Variants in SYT13 observed in about 807,000 individuals in gnomAD.
The protein encoded by SYT13 is synaptotagmin-13.
A neutral mutation model predicts 38.6 loss-of-function variants in SYT13; 21 were observed. The observed-to-expected ratio is 0.54, with a 90% CI of 0.39 to 0.78. The LOEUF is 0.78. Among genes scored for constraint, SYT13 ranks in the 30% least tolerant of loss-of-function variants. The pLI, the probability that SYT13 is intolerant of heterozygous loss-of-function variation, is 0.00. For missense variants in SYT13, 495 were observed against 548.7 expected (o/e 0.90, Z 0.98); for synonymous variants, 241 against 237.6 (o/e 1.01, Z -0.13).
chr11:45,254,521 T>C lies in SYT13; in HGVS notation c.410-117A>G. ...ACCCAAACCCAAGTCTTCCCAGCTGTGTGCAGAATCACAGTGGCCACACCA... is the reference window on the plus strand; with the variant it reads ...ACCCAAACCCAAGTCTTCCCAGCTGCGTGCAGAATCACAGTGGCCACACCA... On this transcript the variant is annotated intron_variant, in intron 2 of 5. Transcript: ENST00000020926. 3 of 1,445,176 alleles carry C rather than the reference T, an allele frequency of 2.1e-6. No homozygotes were observed. In the East Asian group the frequency reaches 7.2e-5, roughly 35 times the overall value. The allele number at this position is 1,445,176 out of a possible 1,614,324, so 89.5% of individuals were successfully genotyped here.
At chr11:45,280,932 C>T (rs1051416046) in intron 1 of SYT13, among the ~76,000 whole-genome samples, 25 of 152,234 alleles carry the variant, frequency 1.6e-4, no homozygotes, top group Admixed American at 9.8e-4. Context: ...GGCTGGCTCA[C>T]GCCTGTAATC....
At chr11:45,259,250 G>A (rs1012635162) in intron 1 of SYT13, among the ~76,000 whole-genome samples, 1 of 152,168 alleles carries the variant, frequency 6.6e-6, no homozygotes, top group African/African-American at 2.4e-5. Flanking sequence ...ACTGTCACTT[G>A]GTTGGGACCA....
chr11:45,283,404 A>C (rs1172585199), intron 1 of SYT13, among the ~76,000 whole-genome samples: 2 of 152,180 alleles, frequency 1.3e-5, no homozygotes, highest in Non-Finnish European at 2.9e-5. Flanking sequence ...GAACATCCTC[A>C]GAGAGCTTCC....
intron 1 of SYT13, among the ~76,000 whole-genome samples, chr11:45,261,419 G>A (rs546477856): frequency 4.6e-5 from 7 of 151,818 alleles, no homozygotes; most frequent in South Asian, 2.1e-4. Flanking sequence ...GTGAAACCCC[G>A]TCTCTACTAA....
At position 45,254,387 on chromosome 11, in the gene SYT13, A is replaced by T. The variant is rs1400387072; in HGVS notation, c.427T>A (p.Cys143Ser). The change falls in exon 3 of 6, where the codon TGT (cysteine) becomes AGT (serine). Residue 143 changes from cysteine to serine, a missense_variant. Physicochemically the swap from Cys to Ser is moderately radical, Grantham distance 112. Coordinates refer to ENST00000020926, the MANE Select transcript of SYT13 (RefSeq NM_020826.3). ...TCTGGGTTCCAGGTCTCCATGACAC[A>T]GACATCCTCCACCACACCTGTTAAG... ...LPQNGVVEDVCVMETWNPEKA... is the reference protein window; with the variant it reads ...LPQNGVVEDVSVMETWNPEKA... 5.0e-6 allele frequency: 8 copies of T among 1,613,294 alleles called. No individual in the cohort carries two copies. Among genetic ancestry groups the T allele is most frequent in the Non-Finnish European group, 5.9e-6 (7 of 1,179,744 alleles).
chr11:45,276,244 A>T (rs1045575025), intron 1 of SYT13, among the ~76,000 whole-genome samples: 1 of 152,226 alleles, frequency 6.6e-6, no homozygotes, highest in Non-Finnish European at 1.5e-5. Context: ...ATGGAATACT[A>T]TGTAGCCATA....
At chr11:45,275,330 G>A (rs1192987280) in intron 1 of SYT13, among the ~76,000 whole-genome samples, 1 of 152,194 alleles carries the variant, frequency 6.6e-6, no homozygotes, top group Non-Finnish European at 1.5e-5. Context: ...GTCTATGCCA[G>A]ATGGACTGAC....
intron 1 of SYT13, among the ~76,000 whole-genome samples, chr11:45,259,329 C>T (rs1003334216): frequency 6.6e-6 from 1 of 152,180 alleles, no homozygotes; most frequent in African/African-American, 2.4e-5. Context: ...CCAATTCAAT[C>T]GTCTGAGAAA....
chr11:45,275,898 C>T (rs1251320027), intron 1 of SYT13, among the ~76,000 whole-genome samples: 1 of 152,176 alleles, frequency 6.6e-6, no homozygotes, highest in East Asian at 1.9e-4. Flanking sequence ...ACAGACAGAG[C>T]AGCAGGTGCA....
chr11:45,270,982 A>C (rs181802240), intron 1 of SYT13, among the ~76,000 whole-genome samples: 16 of 152,294 alleles, frequency 1.1e-4, no homozygotes, highest in Admixed American at 4.6e-4. Flanking sequence ...CACCCACCCT[A>C]CATACCATGG....
intron 1 of SYT13, among the ~76,000 whole-genome samples, chr11:45,285,512 C>T (rs982281593): frequency 1.3e-5 from 2 of 152,110 alleles, no homozygotes; most frequent in Non-Finnish European, 2.9e-5. Context: ...CACCTCCCCT[C>T]TGGCTTTGCA....
intron 2 of SYT13, 46 bp from the exon 3 acceptor site, chr11:45,254,450 T>G: frequency 6.3e-7 from 1 of 1,591,668 alleles, no homozygotes. Flanking sequence ...ACTGGGGTTC[T>G]GCTTTCCTGA....
At position 45,275,966 on chromosome 11, in the gene SYT13, C is replaced by T. The variant is rs763657664; in HGVS notation, c.183+10059G>A. Among the ~76,000 whole-genome samples, 8 of 152,288 alleles carry T rather than the reference C, an allele frequency of 5.3e-5. No individual in the cohort carries two copies. The South Asian group carries it at 6.2e-4, about 12-fold the overall frequency. On this transcript the variant is annotated intron_variant, in intron 1 of 5. Coordinates refer to ENST00000020926, the MANE Select transcript of SYT13 (RefSeq NM_020826.3). ...CTGCACACACACTCCATTCCTCTCA[C>T]GAGACTCATGAACAATGAAATGTTT... is the stretch of plus-strand genomic sequence containing the variant.
intron 1 of SYT13, among the ~76,000 whole-genome samples, chr11:45,271,533 A>T (rs1308744997): frequency 6.6e-6 from 1 of 152,146 alleles, no homozygotes. Context: ...GGAGAAATGG[A>T]GTTGGAAAGG....
chr11:45,276,871 TACC>T (rs1855016853), intron 1 of SYT13, among the ~76,000 whole-genome samples: 1 of 152,166 alleles, frequency 6.6e-6, no homozygotes, highest in South Asian at 2.1e-4. Context: ...AATATAGAAT[TACC>T]ATATGACCCA....
At position 45,243,292 on chromosome 11, in the gene SYT13, ATAAT is replaced by A. The variant is rs1854574770; in HGVS notation, c.*756_*759del. On this transcript the variant is annotated 3_prime_UTR_variant, in exon 6 of 6. Transcript: ENST00000020926. ...ACAAATTAAAGTATTAAGAATTAAA[ATAAT>A]TAAATTAAAAAGCTGAGGCCCCAGA... 6.6e-6 allele frequency: 1 copy of A among 152,266 alleles called. No homozygotes were observed. Among genetic ancestry groups the A allele is most frequent in the South Asian group, 2.1e-4 (1 of 4,830 alleles). The allele number at this position is 152,266 out of a possible 1,614,324, so 9.4% of individuals were successfully genotyped here. A position where few individuals can be genotyped will look rare whatever the true frequency, so the allele number is the denominator to read the frequency against.
intron 3 of SYT13, chr11:45,253,859 G>A (rs1416472099): frequency 6.5e-6 from 1 of 153,912 alleles, no homozygotes; most frequent in Non-Finnish European, 1.4e-5. Context: ...TCATGTGACT[G>A]AGCTACGGCC....
intron 2 of SYT13, among the ~76,000 whole-genome samples, chr11:45,255,076 A>T (rs1001532478): frequency 1.3e-5 from 2 of 152,098 alleles, no homozygotes; most frequent in Non-Finnish European, 2.9e-5. Context: ...CGATCATGCC[A>T]CTGAACTCCA....
chr11:45,271,360 C>T (rs1204525436), intron 1 of SYT13, among the ~76,000 whole-genome samples: 1 of 152,144 alleles, frequency 6.6e-6, no homozygotes, highest in Non-Finnish European at 1.5e-5. Context: ...TTGATGTGAT[C>T]AGAGAAGGCT....
Sources: allele counts gnomAD v4.1 joint callset (sites outside exome capture counted in the v4.1 genomes callset), GRCh38; gene constraint gnomAD v4.1.1; transcripts MANE v1.5; gene names NCBI Gene and HGNC (gene_info 2026-07-23, HGNC 2026-07-21).